The following CAPZA2 variants were observed in gnomAD, a reference collection of about 807,000 sequenced individuals.
CAPZA2 encodes the protein capping actin protein of muscle Z-line subunit alpha 2, also known as F-actin-capping protein subunit alpha-2.
In CAPZA2, 13 loss-of-function variants were observed where a neutral mutation model predicts 44.0. The ratio of observed to expected loss-of-function variants is 0.30; its 90% CI spans 0.19 to 0.47. The LOEUF (loss-of-function observed/expected upper bound fraction) is 0.47. CAPZA2 is among the 20% of genes least tolerant of loss of function. The pLI is 1.00. For missense variants in CAPZA2, 244 were observed against 338.6 expected (o/e 0.72, Z 2.19); for synonymous variants, 94 against 108.2 (o/e 0.87, Z 0.81).
chr7:116,867,458 T>C (rs538884328), intron 1 of CAPZA2, among the ~76,000 whole-genome samples: 23 of 152,338 alleles, frequency 1.5e-4, no homozygotes, highest in African/African-American at 3.1e-4. Context: ...CTTAAAATGG[T>C]ATTCATGGCC....
chr7:116,892,951 A>G (rs1796869221), intron 2 of CAPZA2, 43 bp from the exon 3 acceptor site: 7 of 1,390,548 alleles, frequency 5.0e-6, no homozygotes, highest in Non-Finnish European at 7.0e-6. Flanking sequence ...ACATTCTTGA[A>G]ACATATAACA....
intron 1 of CAPZA2, among the ~76,000 whole-genome samples, chr7:116,868,682 G>A (rs1242512826): frequency 2.0e-5 from 3 of 152,088 alleles, no homozygotes; most frequent in Admixed American, 1.3e-4. Context: ...TGCAGTGAGC[G>A]GTGATCGCAC....
chr7:116,888,921 A>T (rs1012032708), intron 2 of CAPZA2, among the ~76,000 whole-genome samples: 3 of 152,228 alleles, frequency 2.0e-5, no homozygotes, highest in African/African-American at 7.2e-5. Context: ...TCTTTTAAAG[A>T]AAATCCTATG....
chr7:116,865,174 C>CT (rs201926723), intron 1 of CAPZA2, among the ~76,000 whole-genome samples: 3,676 of 121,930 alleles, frequency 0.03, 401 homozygotes, highest in African/African-American at 0.12. Flanking sequence ...TATGCGCTCT[C>CT]TTCTTTTTTT....
chr7:116,883,120 C>T (rs1341992345), intron 1 of CAPZA2, among the ~76,000 whole-genome samples: 1 of 152,134 alleles, frequency 6.6e-6, no homozygotes, highest in Admixed American at 6.5e-5. Flanking sequence ...AGAAATGTAT[C>T]TAATAACTCA....
intron 8 of CAPZA2, among the ~76,000 whole-genome samples, chr7:116,912,981 G>A (rs1314497338): frequency 2.6e-5 from 4 of 152,168 alleles, no homozygotes; most frequent in Admixed American, 2.0e-4. Flanking sequence ...ATCCTAGTCA[G>A]TATGAAGTAG....
chr7:116,892,421 T>C (rs1221312041), intron 2 of CAPZA2, among the ~76,000 whole-genome samples: 1 of 152,186 alleles, frequency 6.6e-6, no homozygotes, highest in African/African-American at 2.4e-5. Context: ...TGGATTTTTT[T>C]CAATAAAAAT....
chr7:116,899,233 T>C (rs913394775), intron 4 of CAPZA2, among the ~76,000 whole-genome samples: 1 of 152,044 alleles, frequency 6.6e-6, no homozygotes, highest in African/African-American at 2.4e-5. Flanking sequence ...TTAAATCTCT[T>C]CTTTCCAAAC....
intron 8 of CAPZA2, among the ~76,000 whole-genome samples, chr7:116,914,428 T>TAC (rs1413792289): frequency 7.0e-5 from 8 of 114,392 alleles, no homozygotes; most frequent in Admixed American, 1.1e-4. Flanking sequence ...TACATATACA[T>TAC]ACATACACAC....
chr7:116,868,854 A>G (rs1292333302), intron 1 of CAPZA2, among the ~76,000 whole-genome samples: 1 of 152,262 alleles, frequency 6.6e-6, no homozygotes, highest in Non-Finnish European at 1.5e-5. Context: ...TCACCAATAA[A>G]GTGTAAAAAC....
intron 4 of CAPZA2, among the ~76,000 whole-genome samples, chr7:116,903,346 A>C (rs142593948): frequency 0.012 from 1,778 of 151,934 alleles, 17 homozygotes; most frequent in Non-Finnish European, 0.018. Flanking sequence ...GGCTAAGATC[A>C]AGTGTAGTAA....
chr7:116,873,853 G>C (rs1364827251), intron 1 of CAPZA2: 1 of 153,508 alleles, frequency 6.5e-6, no homozygotes, highest in Non-Finnish European at 1.5e-5. Flanking sequence ...CTTTGCTTGA[G>C]AAAGGTACAT....
chr7:116,887,782 G>A (rs1264340094), intron 1 of CAPZA2, among the ~76,000 whole-genome samples: 1 of 152,134 alleles, frequency 6.6e-6, no homozygotes, highest in Non-Finnish European at 1.5e-5. Flanking sequence ...GCAGTGAGCT[G>A]AGATTGTGCC....
chr7:116,877,156 T>G (rs1178975390), intron 1 of CAPZA2, among the ~76,000 whole-genome samples: 1 of 152,226 alleles, frequency 6.6e-6, no homozygotes, highest in Admixed American at 6.5e-5. Flanking sequence ...GCACACGTAA[T>G]ATTGAGCCTT....
chr7:116,904,584 ATGG>A, intron 5 of CAPZA2: 2 of 516,220 alleles, frequency 3.9e-6, no homozygotes, highest in South Asian at 2.8e-5. Flanking sequence ...AAATAGAGAA[ATGG>A]TTGTACCTTG....
intron 9 of CAPZA2, among the ~76,000 whole-genome samples, chr7:116,917,276 A>G (rs1791692328): frequency 6.6e-6 from 1 of 152,022 alleles, no homozygotes; most frequent in African/African-American, 2.4e-5. Context: ...ATTTTTGAAG[A>G]CAGAGTCTTG....
At chr7:116,890,571 CATATATATATATATATATATATAT>C (rs1190220652) in intron 2 of CAPZA2, among the ~76,000 whole-genome samples, 4 of 25,144 alleles carry the variant, frequency 1.6e-4, no homozygotes, top group East Asian at 1.1e-3. Context: ...TATATATACA[CATATATATATATATATATATATAT>C]ATACACACAC....
At chr7:116,902,641 C>A (rs950710749) in intron 4 of CAPZA2, among the ~76,000 whole-genome samples, 1 of 152,080 alleles carries the variant, frequency 6.6e-6, no homozygotes, top group African/African-American at 2.4e-5. Flanking sequence ...TCCCTACCAC[C>A]ACTGCTTGGG....
At chr7:116,896,685 G>A (rs1796933226) in intron 3 of CAPZA2, among the ~76,000 whole-genome samples, 1 of 152,082 alleles carries the variant, frequency 6.6e-6, no homozygotes. Context: ...AAATTGATTG[G>A]GCGACAGAAT....
Sources: gnomAD v4.1 joint callset for allele counts (sites outside exome capture counted in the v4.1 genomes callset) on GRCh38, gnomAD v4.1.1 for gene constraint, MANE v1.5 for transcripts, NCBI Gene and HGNC (gene_info 2026-07-23, HGNC 2026-07-21) for gene names.